PLXDC2: variants seen among roughly 807,000 people sequenced by gnomAD.
The protein encoded by PLXDC2 is plexin domain-containing protein 2.
In PLXDC2, 40 loss-of-function variants were observed where a neutral mutation model predicts 68.9. The ratio of observed to expected loss-of-function variants is 0.58; its 90% confidence interval spans 0.45 to 0.76. PLXDC2 has a LOEUF of 0.76. PLXDC2 is among the 30% of genes least tolerant of loss of function. The pLI is 0.00. For missense variants in PLXDC2, 644 were observed against 661.9 expected (o/e 0.97, Z 0.30); for synonymous variants, 243 against 234.2 (o/e 1.04, Z -0.34).
intron 13 of PLXDC2, among the ~76,000 whole-genome samples, chr10:20,247,239 T>A (rs932745499): frequency 6.7e-6 from 1 of 149,526 alleles, no homozygotes; most frequent in African/African-American, 2.5e-5. Context: ...GCAGACAGAT[T>A]GCTTGAGCCC....
chr10:20,057,043 G>T (rs1836010552), intron 3 of PLXDC2, among the ~76,000 whole-genome samples: 1 of 152,148 alleles, frequency 6.6e-6, no homozygotes, highest in East Asian at 1.9e-4. Context: ...TTTCAGCTGA[G>T]ATTCTCTTTT....
intron 13 of PLXDC2, among the ~76,000 whole-genome samples, chr10:20,263,453 G>T (rs558980463): frequency 6.6e-6 from 1 of 152,238 alleles, no homozygotes; most frequent in South Asian, 2.1e-4. Flanking sequence ...ACGGGCAAAG[G>T]TTTTACAACA....
At chr10:20,219,242 A>T in intron 12 of PLXDC2, 140 bp downstream of exon 12, 2 of 884,036 alleles carry the variant, frequency 2.3e-6, no homozygotes, top group Non-Finnish European at 3.3e-6. Context: ...TAACATGGGA[A>T]GGAGTCAGTG....
At chr10:19,829,463 A>G (rs1179194194) in intron 1 of PLXDC2, among the ~76,000 whole-genome samples, 3 of 152,166 alleles carry the variant, frequency 2.0e-5, no homozygotes, top group Admixed American at 1.3e-4. Context: ...CAAAATTTCT[A>G]AGTTACAATT....
At chr10:20,142,262 TCGG>T (rs1356729898) in intron 4 of PLXDC2, among the ~76,000 whole-genome samples, 1 of 152,092 alleles carries the variant, frequency 6.6e-6, no homozygotes, top group Non-Finnish European at 1.5e-5. Flanking sequence ...TATATTAGTG[TCGG>T]GTATCTAATT....
At chr10:20,083,920 G>A (rs1053044657) in intron 4 of PLXDC2, among the ~76,000 whole-genome samples, 1 of 152,124 alleles carries the variant, frequency 6.6e-6, no homozygotes, top group Admixed American at 6.5e-5. Flanking sequence ...CATGATTCTT[G>A]GTTGAAATGT....
intron 1 of PLXDC2, among the ~76,000 whole-genome samples, chr10:19,937,135 C>G (rs192290327): frequency 8.5e-5 from 13 of 152,278 alleles, no homozygotes; most frequent in Non-Finnish European, 1.6e-4. Context: ...TCCTCCATTC[C>G]TTCAGTTCAT....
At chr10:20,028,433 A>T (rs1456355264) in intron 2 of PLXDC2, among the ~76,000 whole-genome samples, 2 of 152,198 alleles carry the variant, frequency 1.3e-5, no homozygotes, top group African/African-American at 4.8e-5. Flanking sequence ...AGGCCTCTCA[A>T]TTACAACTGA....
chr10:19,991,757 G>A (rs909981484), intron 1 of PLXDC2, among the ~76,000 whole-genome samples: 22 of 152,066 alleles, frequency 1.4e-4, no homozygotes, highest in African/African-American at 4.8e-4. Flanking sequence ...TTAATAGAAG[G>A]CCCTCGGTGA....
At chr10:20,268,375 A>G (rs1363740546) in intron 13 of PLXDC2, among the ~76,000 whole-genome samples, 1 of 152,184 alleles carries the variant, frequency 6.6e-6, no homozygotes, top group Non-Finnish European at 1.5e-5. Context: ...AAGTTTCTTT[A>G]AAACTTTTAA....
chr10:19,847,464 A>G (rs887479770), intron 1 of PLXDC2, among the ~76,000 whole-genome samples: 1 of 152,144 alleles, frequency 6.6e-6, no homozygotes, highest in African/African-American at 2.4e-5. Flanking sequence ...GTAGCTGTTA[A>G]CTCAGCGGTT....
At chr10:20,099,259 T>C (rs1833391288) in intron 4 of PLXDC2, among the ~76,000 whole-genome samples, 1 of 152,064 alleles carries the variant, frequency 6.6e-6, no homozygotes, top group South Asian at 2.1e-4. Flanking sequence ...AACCAGAAAT[T>C]ATCACTGTTA....
intron 1 of PLXDC2, among the ~76,000 whole-genome samples, chr10:19,988,518 G>C (rs74122132): frequency 6.6e-6 from 1 of 152,008 alleles, no homozygotes; most frequent in Non-Finnish European, 1.5e-5. Flanking sequence ...TTACTTAATA[G>C]TGGATTCAAG....
At chr10:19,971,075 T>C (rs35669694) in intron 1 of PLXDC2, among the ~76,000 whole-genome samples, 31,313 of 152,154 alleles carry the variant, frequency 0.21, 4,039 homozygotes, top group South Asian at 0.36. Flanking sequence ...AGTAAGACTT[T>C]TGATTTTAGA....
chr10:20,203,148 GGAA>G (rs1261707904), intron 9 of PLXDC2, among the ~76,000 whole-genome samples: 1 of 152,202 alleles, frequency 6.6e-6, no homozygotes, highest in African/African-American at 2.4e-5. Context: ...GACATTCACA[GGAA>G]GAAGAACTCC....
Position 20,288,124 on chromosome 10 carries a change from A to G in PLXDC2, c.*8305A>G, listed in dbSNP as rs2119412228. 1 of 152,234 alleles carries G rather than the reference A, an allele frequency of 6.6e-6. No individual in the cohort carries two copies. Among genetic ancestry groups the G allele is most frequent in the South Asian group, 2.1e-4 (1 of 4,814 alleles). 9.4% of individuals were successfully genotyped at this position (152,234 alleles called of 1,614,324 possible). ...CACTGCGGCACTGCTACAAGAGGAC[A>G]CTGAGGAAAATCTGGCCCTATGAAC... is the stretch of plus-strand genomic sequence containing the variant. On this transcript the variant is annotated 3_prime_UTR_variant, in exon 14 of 14. Transcript: ENST00000377252.
At chr10:20,178,095 A>C (rs571098814) in intron 9 of PLXDC2, among the ~76,000 whole-genome samples, 22 of 152,268 alleles carry the variant, frequency 1.4e-4, no homozygotes, top group African/African-American at 4.8e-4. Flanking sequence ...GTTTATAATA[A>C]TCACATGAAC....
intron 1 of PLXDC2, among the ~76,000 whole-genome samples, chr10:19,887,557 AC>A (rs1462367792): frequency 2.0e-5 from 3 of 151,962 alleles, no homozygotes; most frequent in Non-Finnish European, 2.9e-5. Context: ...AACAAAAAAA[AC>A]CCCGAAGACT....
chr10:20,152,025 T>A (rs919162906), intron 6 of PLXDC2, among the ~76,000 whole-genome samples: 3 of 152,114 alleles, frequency 2.0e-5, no homozygotes, highest in Non-Finnish European at 2.9e-5. Flanking sequence ...TAAATTTAGT[T>A]AAGTAAATTT....
Sources: allele counts gnomAD v4.1 joint callset (sites outside exome capture counted in the v4.1 genomes callset), GRCh38; gene constraint gnomAD v4.1.1; transcripts MANE v1.5; gene names NCBI Gene and HGNC (gene_info 2026-07-23, HGNC 2026-07-21).